CNTNAP2: variants seen among roughly 807,000 people sequenced by gnomAD.
CNTNAP2 encodes the protein contactin-associated protein-like 2.
In CNTNAP2, 98 loss-of-function variants were observed where a neutral mutation model predicts 155.2. The observed-to-expected ratio is 0.63, with a 90% CI of 0.54 to 0.75. The LOEUF is 0.75. CNTNAP2 is among the 30% of genes least tolerant of loss of function. CNTNAP2 has a pLI of 0.00. For synonymous variants in CNTNAP2, 651 were observed against 631.2 expected, an observed-to-expected ratio of 1.03 and a Z score of -0.47; for missense variants, 1,727 against 1,688.1, an observed-to-expected ratio of 1.02 and a Z score of -0.40.
At chr7:146,606,615 A>G (rs578240306) in intron 1 of CNTNAP2, among the ~76,000 whole-genome samples, 1 of 152,210 alleles carries the variant, frequency 6.6e-6, no homozygotes, top group East Asian at 1.9e-4. Context: ...AATCGATGCT[A>G]TTACTTTGAC....
chr7:147,960,405 A>G (rs960838988), intron 14 of CNTNAP2, among the ~76,000 whole-genome samples: 2 of 152,196 alleles, frequency 1.3e-5, no homozygotes, highest in African/African-American at 4.8e-5. Flanking sequence ...TGATTAACCA[A>G]TGAGGTGGTA....
intron 13 of CNTNAP2, chr7:147,704,442 G>A (rs772679791): frequency 6.1e-6 from 1 of 164,772 alleles, no homozygotes; most frequent in African/African-American, 2.4e-5. Flanking sequence ...AGAAAGGGTG[G>A]TTGGACAGCC....
chr7:146,372,843 C>T (rs1399575775), intron 1 of CNTNAP2, among the ~76,000 whole-genome samples: 1 of 152,070 alleles, frequency 6.6e-6, no homozygotes, highest in Admixed American at 6.5e-5. Context: ...AATGGAGGTA[C>T]AGAAAAACTC....
chr7:147,264,068 G>C (rs1202716372), intron 8 of CNTNAP2, among the ~76,000 whole-genome samples: 1 of 152,150 alleles, frequency 6.6e-6, no homozygotes, highest in Non-Finnish European at 1.5e-5. Flanking sequence ...TGCTTTATTT[G>C]ACTGCTATTT....
At chr7:148,400,509 C>T (rs1799558916) in intron 22 of CNTNAP2, among the ~76,000 whole-genome samples, 1 of 152,126 alleles carries the variant, frequency 6.6e-6, no homozygotes, top group Non-Finnish European at 1.5e-5. Context: ...AGTCCTGCCC[C>T]AGTGTTTACA....
At chr7:146,791,403 A>G (rs1387789849) in intron 2 of CNTNAP2, among the ~76,000 whole-genome samples, 2 of 152,160 alleles carry the variant, frequency 1.3e-5, no homozygotes, top group African/African-American at 4.8e-5. Context: ...ATAAACATAC[A>G]TGTGCATGTG....
chr7:147,500,155 A>C (rs1195988516), intron 11 of CNTNAP2, among the ~76,000 whole-genome samples: 1 of 74,218 alleles, frequency 1.3e-5, no homozygotes. Context: ...CAGTTTATGG[A>C]TAAAATTAGC....
At chr7:148,016,832 C>A (rs991943426) in intron 15 of CNTNAP2, among the ~76,000 whole-genome samples, 1 of 152,090 alleles carries the variant, frequency 6.6e-6, no homozygotes, top group Non-Finnish European at 1.5e-5. Flanking sequence ...ATTTCTAAGA[C>A]GGAAGGTATT....
intron 8 of CNTNAP2, among the ~76,000 whole-genome samples, chr7:147,162,963 C>G (rs1210011329): frequency 6.6e-6 from 1 of 152,082 alleles, no homozygotes; most frequent in East Asian, 1.9e-4. Context: ...CATCCTGGAC[C>G]AGCAGCTTCT....
At chr7:147,209,470 A>T (rs1803093070) in intron 8 of CNTNAP2, among the ~76,000 whole-genome samples, 1 of 152,040 alleles carries the variant, frequency 6.6e-6, no homozygotes, top group South Asian at 2.1e-4. Flanking sequence ...CGAATTAGTT[A>T]TCTGTTCTAG....
intron 2 of CNTNAP2, among the ~76,000 whole-genome samples, chr7:146,806,677 T>C (rs1802973209): frequency 6.6e-6 from 1 of 152,194 alleles, no homozygotes; most frequent in Non-Finnish European, 1.5e-5. Flanking sequence ...TGATTTTATC[T>C]AATCTATAGA....
chr7:146,181,715 G>A (rs1798552041), intron 1 of CNTNAP2, among the ~76,000 whole-genome samples: 2 of 152,126 alleles, frequency 1.3e-5, no homozygotes, highest in African/African-American at 4.8e-5. Context: ...CCTTGTTTCT[G>A]TAACTCAAGG....
In CNTNAP2 at chr7:148,415,496, C is replaced by CTACCA; in HGVS notation, c.3882_3886dup (p.Asn1296IlefsTer19). 6.2e-7 allele frequency: 1 copy of CTACCA among 1,614,234 alleles called. No individual in the cohort carries two copies. Among genetic ancestry groups the CTACCA allele is most frequent in the Non-Finnish European group, 8.5e-7 (1 of 1,180,036 alleles). On this transcript the variant is annotated frameshift_variant, in exon 24 of 24. Transcript: ENST00000361727. LOFTEE classifies it high-confidence loss of function. ...GGTACATGTTCCGCCACAAGGGCAC[C>CTACCA]TACCATACCAACGAAGCAAAGGGGG...
At chr7:146,637,151 A>G (rs1799613018) in intron 1 of CNTNAP2, among the ~76,000 whole-genome samples, 1 of 152,242 alleles carries the variant, frequency 6.6e-6, no homozygotes, top group African/African-American at 2.4e-5. Flanking sequence ...TGATCAGAGG[A>G]ATGCTTCATA....
At chr7:146,278,063 C>T (rs924876424) in intron 1 of CNTNAP2, among the ~76,000 whole-genome samples, 1 of 152,166 alleles carries the variant, frequency 6.6e-6, no homozygotes, top group Non-Finnish European at 1.5e-5. Context: ...TTATTGTCAG[C>T]AGATTAGCAT....
chr7:147,127,179 T>C (rs1475050303), intron 6 of CNTNAP2, among the ~76,000 whole-genome samples: 1 of 152,198 alleles, frequency 6.6e-6, no homozygotes, highest in Admixed American at 6.5e-5. Context: ...ACCTAATATG[T>C]TCATTTCAGT....
intron 3 of CNTNAP2, among the ~76,000 whole-genome samples, chr7:146,862,488 A>G (rs142339146): frequency 1.6e-3 from 250 of 152,260 alleles, no homozygotes; most frequent in African/African-American, 5.5e-3. Context: ...TGGGCACAAA[A>G]AAACAAAAAA....
intron 1 of CNTNAP2, among the ~76,000 whole-genome samples, chr7:146,163,165 A>C (rs893835222): frequency 1.3e-5 from 2 of 152,208 alleles, no homozygotes; most frequent in African/African-American, 2.4e-5. Context: ...ATAATAAAAA[A>C]ATTAAAAATA....
rs532547209 is a variant in CNTNAP2, at chr7:146,921,220, A to G, written c.402+81316A>G. Among the ~76,000 whole-genome samples, 14 of 152,294 alleles carry G rather than the reference A, an allele frequency of 9.2e-5. No homozygotes were observed. In the East Asian group the frequency reaches 2.7e-3, roughly 29 times the overall value. Reference sequence around the variant, plus strand: ...TCTTGATTGTGGTGGTAATTATATTATGTGTTTCTCAAAACTTGCAGAATT... The same window carrying G: ...TCTTGATTGTGGTGGTAATTATATTGTGTGTTTCTCAAAACTTGCAGAATT... On this transcript the variant is annotated intron_variant, in intron 3 of 23. Transcript: ENST00000361727.
Sources: allele counts gnomAD v4.1 joint callset (sites outside exome capture counted in the v4.1 genomes callset), GRCh38; gene constraint gnomAD v4.1.1; transcripts MANE v1.5; gene names NCBI Gene and HGNC (gene_info 2026-07-23, HGNC 2026-07-21).